Variants in ENKUR observed in about 807,000 individuals in gnomAD.
ENKUR encodes the protein enkurin, TRPC channel interacting protein, also known as enkurin.
In ENKUR, 19 loss-of-function variants were observed where a neutral mutation model predicts 27.6. The observed-to-expected ratio is 0.69, with a 90% CI of 0.48 to 1.01. The LOEUF (loss-of-function observed/expected upper bound fraction) is 1.01, where lower values mean the gene tolerates loss of function less well. ENKUR is among the 50% of genes least tolerant of loss of function. ENKUR has a pLI of 0.00. For missense variants in ENKUR, 312 were observed against 310.5 expected (o/e 1.00, Z -0.04); for synonymous variants, 117 against 96.9 (o/e 1.21, Z -1.22).
At chr10:25,000,951 T>C (rs188699921) in intron 1 of ENKUR, among the ~76,000 whole-genome samples, 3 of 152,220 alleles carry the variant, frequency 2.0e-5, no homozygotes, top group African/African-American at 7.2e-5. Context: ...TATTATAGCA[T>C]TTAACATGTG....
chr10:25,025,451 T>C lies in ENKUR; in HGVS notation c.38-29582A>G, dbSNP rs141107473. 10 of 1,594,126 alleles carry C rather than the reference T, an allele frequency of 6.3e-6. No individual in the cohort carries two copies. The African/African-American group carries it at 1.4e-4, about 22-fold the overall frequency. On this transcript the variant is annotated intron_variant, in intron 2 of 5. Transcript: ENST00000615958. ...GAACAACTTGTCCAAAATCAATTCATATGAAAGCTTTCAGAGTAAATTTTT... is the reference window on the plus strand; with the variant it reads ...GAACAACTTGTCCAAAATCAATTCACATGAAAGCTTTCAGAGTAAATTTTT...
intron 2 of ENKUR, among the ~76,000 whole-genome samples, chr10:25,059,386 C>G (rs1217412395): frequency 2.0e-5 from 3 of 152,146 alleles, no homozygotes; most frequent in Non-Finnish European, 4.4e-5. Context: ...CCCGCCTCAG[C>G]CTCCCAAAGT....
intron 2 of ENKUR, among the ~76,000 whole-genome samples, chr10:25,037,680 T>C (rs1298883179): frequency 2.0e-5 from 3 of 152,180 alleles, no homozygotes; most frequent in African/African-American, 7.2e-5. Flanking sequence ...TTTCCTTTTG[T>C]CTTTCCTTAT....
At chr10:25,038,896 C>G (rs773041536) in intron 2 of ENKUR, among the ~76,000 whole-genome samples, 1 of 152,082 alleles carries the variant, frequency 6.6e-6, no homozygotes, top group Non-Finnish European at 1.5e-5. Context: ...GAGAAAGATT[C>G]AATAGTTGTC....
chr10:25,012,178 A>G (rs1850461828), intron 1 of ENKUR, among the ~76,000 whole-genome samples: 1 of 152,240 alleles, frequency 6.6e-6, no homozygotes, highest in Non-Finnish European at 1.5e-5. Context: ...CTCCACCTAG[A>G]TTTCAAAGGT....
intron 2 of ENKUR, among the ~76,000 whole-genome samples, chr10:25,035,298 T>C (rs1358797619): frequency 6.6e-6 from 1 of 152,214 alleles, no homozygotes; most frequent in Non-Finnish European, 1.5e-5. Context: ...CTCATGCCTG[T>C]AATTCCAGTA....
chr10:24,990,364 A>G, intron 4 of ENKUR, 99 bp downstream of exon 4: 2 of 1,452,568 alleles, frequency 1.4e-6, no homozygotes, highest in Non-Finnish European at 1.8e-6. Flanking sequence ...TCTGATTTCA[A>G]AATCCAAGTG....
At chr10:24,986,728 A>G (rs955040509) in intron 4 of ENKUR, among the ~76,000 whole-genome samples, 28 of 152,188 alleles carry the variant, frequency 1.8e-4, no homozygotes, top group Non-Finnish European at 3.7e-4. Flanking sequence ...TAACGTTTGG[A>G]TCAAAGTCAA....
chr10:25,051,107 A>G (rs1851182768), intron 2 of ENKUR, among the ~76,000 whole-genome samples: 1 of 152,210 alleles, frequency 6.6e-6, no homozygotes, highest in African/African-American at 2.4e-5. Context: ...ACAGTACACA[A>G]AAGCTACATA....
chr10:25,028,152 A>G (rs576933206), intron 2 of ENKUR, among the ~76,000 whole-genome samples: 1 of 152,256 alleles, frequency 6.6e-6, no homozygotes, highest in Non-Finnish European at 1.5e-5. Flanking sequence ...CAGGAGAAAC[A>G]GGGAAGATGA....
chr10:25,025,722 C>T lies in ENKUR; in HGVS notation c.38-29853G>A, dbSNP rs1054985691. The T allele has an allele frequency of 7.8e-6, 3 of 382,986 alleles. No homozygotes were observed. In the East Asian group the frequency reaches 1.4e-4, roughly 18 times the overall value. 23.7% of individuals were successfully genotyped at this position (382,986 alleles called of 1,614,324 possible). On this transcript the variant is annotated intron_variant, in intron 2 of 5. Transcript: ENST00000615958. Reference sequence around the variant, plus strand: ...CTGCTCATGAGGGGTGTATCAATTTCCACTCCCACACCCTCACTGTTATGT... The same window carrying T: ...CTGCTCATGAGGGGTGTATCAATTTTCACTCCCACACCCTCACTGTTATGT...
intron 2 of ENKUR, among the ~76,000 whole-genome samples, chr10:25,057,874 A>C (rs1363453341): frequency 1.3e-5 from 2 of 152,176 alleles, no homozygotes; most frequent in Non-Finnish European, 2.9e-5. Flanking sequence ...GAAATCTCAG[A>C]ATGCAAACTT....
At chr10:25,059,543 T>C (rs951017914) in intron 2 of ENKUR, among the ~76,000 whole-genome samples, 6 of 152,162 alleles carry the variant, frequency 3.9e-5, no homozygotes, top group African/African-American at 4.8e-5. Flanking sequence ...AACACCTCCA[T>C]GAGGGAGCAG....
intron 4 of ENKUR, among the ~76,000 whole-genome samples, chr10:24,988,905 C>T (rs374739132): frequency 2.6e-5 from 4 of 151,642 alleles, no homozygotes; most frequent in Non-Finnish European, 5.9e-5. Flanking sequence ...GCTCAGGGCT[C>T]GTCAGGAGGC....
rs562885331 is a variant in ENKUR at position 25,056,579 on chromosome 10, A to G, written c.37+4533T>C. Among the ~76,000 whole-genome samples, 47 of 152,344 alleles carry G rather than the reference A, an allele frequency of 3.1e-4. 1 individual carries two copies. Among genetic ancestry groups the G allele is most frequent in the African/African-American group, 1.1e-3 (45 of 41,580 alleles). On this transcript the variant is annotated intron_variant, in intron 2 of 5. Transcript: ENST00000615958. ...TAGCGTTTAGAAATTGTAAGTAGGT[A>G]TGAAGATAAGGTGATTGATGGGTGT...
intron 2 of ENKUR, among the ~76,000 whole-genome samples, chr10:24,998,872 T>C (rs1036567112): frequency 2.1e-4 from 32 of 152,206 alleles, no homozygotes; most frequent in African/African-American, 7.7e-4. Context: ...GGCCCTAAGC[T>C]GGTTCTACCA....
At chr10:24,992,903 G>GA (rs1460607307) in intron 3 of ENKUR, among the ~76,000 whole-genome samples, 1 of 152,166 alleles carries the variant, frequency 6.6e-6, no homozygotes, top group Admixed American at 6.5e-5. Context: ...AACACTGAAG[G>GA]AAACACCTCA....
chr10:25,015,992 A>C lies in ENKUR; in HGVS notation c.-56T>G. 1 of 1,573,678 alleles carries C rather than the reference A, an allele frequency of 6.4e-7. No individual in the cohort carries two copies. Among genetic ancestry groups the C allele is most frequent in the Non-Finnish European group, 8.6e-7 (1 of 1,160,724 alleles). On this transcript the variant is annotated 5_prime_UTR_variant, in exon 1 of 6. Transcript: ENST00000331161. Reference sequence around the variant, plus strand: ...TCCACAACTTTTTTCTCCCTGTCCCAGTATCTCCGTCCCTTTCTTCACTGC... The same window carrying C: ...TCCACAACTTTTTTCTCCCTGTCCCCGTATCTCCGTCCCTTTCTTCACTGC...
chr10:25,061,273 T>A, exon 2 of ENKUR: 1 of 821,124 alleles, frequency 1.2e-6, no homozygotes, highest in Non-Finnish European at 2.0e-6. Flanking sequence ...CATCCAGATA[T>A]GGAAAATCAA....
Sources: allele counts gnomAD v4.1 joint callset (sites outside exome capture counted in the v4.1 genomes callset), GRCh38; gene constraint gnomAD v4.1.1; transcripts MANE v1.5; gene names NCBI Gene and HGNC (gene_info 2026-07-23, HGNC 2026-07-21).